Variants in CHCHD6 observed in about 807,000 individuals in gnomAD.
CHCHD6 encodes the protein MICOS complex subunit MIC25.
A neutral mutation model predicts 32.3 loss-of-function variants in CHCHD6; 28 were observed. The ratio of observed to expected loss-of-function variants is 0.87; its 90% confidence interval spans 0.64 to 1.19. The LOEUF (loss-of-function observed/expected upper bound fraction) is 1.19, where lower values mean the gene tolerates loss of function less well. CHCHD6 is among the 50% of genes most tolerant of loss of function. The probability of loss-of-function intolerance (pLI) is 0.00; values close to 1 mark genes in which losing one functional copy is unlikely to be tolerated. For missense variants in CHCHD6, 333 were observed against 307.0 expected (o/e 1.08, Z -0.63); for synonymous variants, 122 against 117.5 (o/e 1.04, Z -0.25).
intron 4 of CHCHD6, among the ~76,000 whole-genome samples, chr3:126,840,325 A>G (rs1228612809): frequency 1.3e-5 from 2 of 152,206 alleles, no homozygotes; most frequent in Non-Finnish European, 2.9e-5. Context: ...TGATGATTGC[A>G]CAACTTTGTG....
chr3:126,729,939 CAGCAAGTGGTGGGGAG>C, intron 2 of CHCHD6, among the ~76,000 whole-genome samples: 1 of 152,274 alleles, frequency 6.6e-6, no homozygotes, highest in Non-Finnish European at 1.5e-5. Context: ...CCTTCAGTAT[CAGCAAGTGGTGGGGAG>C]AGTGAATTGG....
intron 4 of CHCHD6, among the ~76,000 whole-genome samples, chr3:126,758,870 G>A (rs1013291502): frequency 6.6e-6 from 1 of 152,200 alleles, no homozygotes; most frequent in Non-Finnish European, 1.5e-5. Flanking sequence ...CGTCACTTAT[G>A]TTGTAATAGA....
chr3:126,834,078 A>AG (rs1940758435), intron 4 of CHCHD6, among the ~76,000 whole-genome samples: 8 of 150,196 alleles, frequency 5.3e-5, no homozygotes, highest in Non-Finnish European at 3.0e-5. Flanking sequence ...AAAAAAAAAA[A>AG]GAATTACCAA....
intron 6 of CHCHD6, among the ~76,000 whole-genome samples, chr3:126,948,018 A>T (rs2078663772): frequency 6.6e-6 from 1 of 152,170 alleles, no homozygotes; most frequent in Non-Finnish European, 1.5e-5. Context: ...GCTATTGCTG[A>T]TGTGCGCCTG....
At chr3:126,919,054 G>A (rs534179443) in intron 6 of CHCHD6, among the ~76,000 whole-genome samples, 1 of 152,156 alleles carries the variant, frequency 6.6e-6, no homozygotes, top group South Asian at 2.1e-4. Context: ...TAATTCTTCT[G>A]TGATTAGAGA....
intron 4 of CHCHD6, chr3:126,766,942 A>T: frequency 9.8e-7 from 1 of 1,020,044 alleles, no homozygotes; most frequent in Non-Finnish European, 1.5e-6. Flanking sequence ...CCAGGAGAAG[A>T]CTCACTTCTG....
chr3:126,767,594 A>G (rs1937429555), intron 4 of CHCHD6: 2 of 345,110 alleles, frequency 5.8e-6, no homozygotes, highest in Non-Finnish European at 1.1e-5. Context: ...ATTTCTATTT[A>G]TTTATTTTCA....
chr3:126,942,825 C>G (rs2078579796), intron 6 of CHCHD6, among the ~76,000 whole-genome samples: 1 of 152,152 alleles, frequency 6.6e-6, no homozygotes, highest in African/African-American at 2.4e-5. Context: ...AGCTGGGAAA[C>G]ATGGATGTGT....
rs367930024 is a variant in CHCHD6, at chr3:126,745,982, A to G, written c.411+12760A>G. ...CTCCCTGCCCCCTACACTTGGTGGC[A>G]TCTCCTCCTTCCTTATCAAATCTTG... On this transcript the variant is annotated intron_variant, in intron 4 of 7. Transcript: ENST00000290913. Among the ~76,000 whole-genome samples, 5 of 152,280 alleles carry G rather than the reference A, an allele frequency of 3.3e-5. No homozygotes were observed. In the South Asian group the frequency reaches 6.2e-4, roughly 19 times the overall value.
intron 4 of CHCHD6, among the ~76,000 whole-genome samples, chr3:126,763,837 A>G (rs1937253542): frequency 6.6e-6 from 1 of 152,170 alleles, no homozygotes; most frequent in Non-Finnish European, 1.5e-5. Context: ...TTATGGTTTA[A>G]CCAGTAAAGA....
chr3:126,912,923 G>A (rs78177811), intron 5 of CHCHD6, among the ~76,000 whole-genome samples: 2 of 151,556 alleles, frequency 1.3e-5, no homozygotes, highest in Admixed American at 6.6e-5. Context: ...GCAGAAGGCC[G>A]AGGGGGGTCC....
chr3:126,731,098 TAAAAAAAAAAA>T lies in CHCHD6; in HGVS notation c.266+486_266+496del, dbSNP rs34596059. 7.6e-3 allele frequency among the ~76,000 whole-genome samples: 566 copies of T among 73,996 alleles called. 3 individuals are homozygous for T. Among genetic ancestry groups the T allele is most frequent in the African/African-American group, 0.026 (502 of 19,462 alleles). 48.5% of individuals were successfully genotyped at this position (73,996 alleles called of 152,430 possible). A position where few individuals can be genotyped will look rare whatever the true frequency, so the allele number is the denominator to read the frequency against. ...ACTCCAGCCTTGGTGACCCTGTCTC[TAAAAAAAAAAA>T]AAAAAAAAAAAAAAAAATCATTTAA... is the stretch of plus-strand genomic sequence containing the variant. On this transcript the variant is annotated intron_variant, in intron 3 of 7. Transcript: ENST00000290913.
chr3:126,832,423 A>G (rs1017129162), intron 4 of CHCHD6, among the ~76,000 whole-genome samples: 1 of 151,822 alleles, frequency 6.6e-6, no homozygotes, highest in South Asian at 2.1e-4. Flanking sequence ...CGCCGTCTCT[A>G]CCATCTCCAT....
intron 5 of CHCHD6, among the ~76,000 whole-genome samples, chr3:126,872,775 C>T (rs1202592934): frequency 6.6e-6 from 1 of 152,182 alleles, no homozygotes; most frequent in African/African-American, 2.4e-5. Flanking sequence ...AGGGGCAAAA[C>T]AGGATGTTCT....
chr3:126,818,511 CA>C (rs998721941), intron 4 of CHCHD6, among the ~76,000 whole-genome samples: 3 of 152,182 alleles, frequency 2.0e-5, no homozygotes, highest in Non-Finnish European at 2.9e-5. Context: ...AAGAGGAAAT[CA>C]GCGAAGGCAT....
intron 4 of CHCHD6, among the ~76,000 whole-genome samples, chr3:126,794,435 T>C (rs1014116228): frequency 1.3e-5 from 2 of 148,816 alleles, no homozygotes; most frequent in African/African-American, 4.9e-5. Context: ...TATATATACA[T>C]ATATGTTTAT....
At chr3:126,849,966 G>A (rs989220955) in intron 4 of CHCHD6, among the ~76,000 whole-genome samples, 2 of 152,214 alleles carry the variant, frequency 1.3e-5, no homozygotes, top group African/African-American at 4.8e-5. Flanking sequence ...CAACTGTGTG[G>A]AGTGGCGGGT....
At chr3:126,946,297 G>T (rs1243222291) in intron 6 of CHCHD6, among the ~76,000 whole-genome samples, 2 of 152,200 alleles carry the variant, frequency 1.3e-5, no homozygotes, top group African/African-American at 2.4e-5. Context: ...TCTAGTGAAT[G>T]AGGGTGCATC....
chr3:126,913,787 A>G (rs961400386), intron 5 of CHCHD6, among the ~76,000 whole-genome samples: 3 of 152,222 alleles, frequency 2.0e-5, no homozygotes, highest in Non-Finnish European at 4.4e-5. Context: ...GTCTCCCCTC[A>G]GAACATGCGA....
Sources: allele counts gnomAD v4.1 joint callset (sites outside exome capture counted in the v4.1 genomes callset), GRCh38; gene constraint gnomAD v4.1.1; transcripts MANE v1.5; gene names NCBI Gene and HGNC (gene_info 2026-07-23, HGNC 2026-07-21).